The following CNTN5 variants were observed in gnomAD, a reference collection of about 807,000 sequenced individuals.
CNTN5 encodes contactin-5.
Under a neutral mutation model 129.1 loss-of-function variants are expected in CNTN5, and 77 were observed. The observed-to-expected ratio is 0.60, with a 90% CI of 0.50 to 0.72. CNTN5 has a LOEUF of 0.72. Among genes scored for constraint, CNTN5 ranks in the 30% least tolerant of loss-of-function variants. The probability of loss-of-function intolerance (pLI) is 0.00; values close to 1 mark genes in which losing one functional copy is unlikely to be tolerated. For missense variants in CNTN5, 1,478 were observed against 1,328.8 expected (o/e 1.11, Z -1.75); for synonymous variants, 509 against 465.6 (o/e 1.09, Z -1.20).
intron 13 of CNTN5, among the ~76,000 whole-genome samples, chr11:100,076,735 A>G (rs1344359996): frequency 6.6e-6 from 1 of 152,012 alleles, no homozygotes; most frequent in Non-Finnish European, 1.5e-5. Context: ...CATTCTGCCT[A>G]CCTTGATCTA....
intron 3 of CNTN5, among the ~76,000 whole-genome samples, chr11:99,654,204 A>G (rs927157303): frequency 3.3e-5 from 5 of 152,066 alleles, no homozygotes; most frequent in African/African-American, 1.2e-4. Flanking sequence ...AAGTTTTTCA[A>G]ATTAAAATAG....
At chr11:99,308,764 T>C (rs1362803029) in intron 1 of CNTN5, among the ~76,000 whole-genome samples, 3 of 152,194 alleles carry the variant, frequency 2.0e-5, no homozygotes, top group Non-Finnish European at 4.4e-5. Context: ...CTGTAATTTC[T>C]GTTACACTTA....
chr11:99,845,401 C>G (rs1213276756), intron 6 of CNTN5, 139 bp downstream of exon 6: 1 of 382,976 alleles, frequency 2.6e-6, no homozygotes, highest in Non-Finnish European at 3.9e-6. Flanking sequence ...GAGGCGGAGT[C>G]TCGCTCTGTC....
At chr11:99,891,405 C>G (rs1394650695) in intron 6 of CNTN5, among the ~76,000 whole-genome samples, 2 of 151,994 alleles carry the variant, frequency 1.3e-5, no homozygotes, top group African/African-American at 2.4e-5. Context: ...TAGGTATACA[C>G]GTGCCATGGT....
chr11:99,937,219 A>C (rs1950335244), intron 7 of CNTN5, among the ~76,000 whole-genome samples: 1 of 152,220 alleles, frequency 6.6e-6, no homozygotes, highest in African/African-American at 2.4e-5. Context: ...CTGTAATTAG[A>C]ATATGCCCAT....
At chr11:99,594,415 TAG>T (rs1328854185) in intron 3 of CNTN5, among the ~76,000 whole-genome samples, 2 of 152,124 alleles carry the variant, frequency 1.3e-5, no homozygotes, top group African/African-American at 4.8e-5. Flanking sequence ...ACTCAGAAGG[TAG>T]TCTTGGTCTG....
chr11:99,784,790 A>G (rs1379173994), intron 3 of CNTN5, among the ~76,000 whole-genome samples: 1 of 115,284 alleles, frequency 8.7e-6, no homozygotes, highest in South Asian at 2.9e-4. Context: ...ATGGTATCTC[A>G]TTGTGTTTTT....
chr11:99,831,600 G>T (rs373520012), intron 4 of CNTN5, among the ~76,000 whole-genome samples: 1 of 151,780 alleles, frequency 6.6e-6, no homozygotes, highest in Non-Finnish European at 1.5e-5. Flanking sequence ...GCAGCAGACT[G>T]CCAGTGACCA....
chr11:99,638,830 G>A lies in CNTN5; in HGVS notation c.55+82561G>A, dbSNP rs117252887. ...CCTCCCAGCTGCTTTCACGGGCTGCGTTTGAGTGTCTGTGGCTTTTCCAGG... is the reference window on the plus strand; with the variant it reads ...CCTCCCAGCTGCTTTCACGGGCTGCATTTGAGTGTCTGTGGCTTTTCCAGG... On this transcript the variant is annotated intron_variant, in intron 3 of 24. Transcript: ENST00000524871. 1.7e-3 allele frequency among the ~76,000 whole-genome samples: 261 copies of A among 152,238 alleles called. 2 individuals are homozygous for A. The East Asian group carries it at 0.033, about 19-fold the overall frequency.
chr11:99,873,683 A>G (rs1367824617), intron 6 of CNTN5, among the ~76,000 whole-genome samples: 1 of 152,148 alleles, frequency 6.6e-6, no homozygotes, highest in Non-Finnish European at 1.5e-5. Context: ...TAGAACTACC[A>G]TTCAATCTAG....
chr11:99,342,706 G>A (rs1485525814), intron 2 of CNTN5, among the ~76,000 whole-genome samples: 1 of 150,992 alleles, frequency 6.6e-6, no homozygotes, highest in Admixed American at 6.6e-5. Context: ...ACTCCAGCTT[G>A]GGCAACAGAG....
intron 2 of CNTN5, among the ~76,000 whole-genome samples, chr11:99,493,994 A>T (rs1222988936): frequency 1.3e-5 from 2 of 152,202 alleles, no homozygotes; most frequent in African/African-American, 4.8e-5. Context: ...TACCGATTTT[A>T]TTAATCTTCT....
At position 99,947,063 on chromosome 11, in the gene CNTN5, A is replaced by G. The variant is rs192906445; in HGVS notation, c.674-9743A>G. On this transcript the variant is annotated intron_variant, in intron 7 of 24. Coordinates refer to ENST00000524871, the MANE Select transcript of CNTN5 (RefSeq NM_014361.4). ...CATTATAAATGTGATTATGATATAA[A>G]CAAAATTAGAAAAAATATAAACATG... is the stretch of plus-strand genomic sequence containing the variant. Among the ~76,000 whole-genome samples, 109 of 120,154 alleles carry G rather than the reference A, an allele frequency of 9.1e-4. 1 individual carries two copies. The highest frequency in any genetic ancestry group is 3.1e-3 in the African/African-American group (97 of 31,780). The allele number at this position is 120,154 out of a possible 152,430, so 78.8% of individuals were successfully genotyped here.
chr11:100,290,295 C>T (rs1406320081), intron 18 of CNTN5, among the ~76,000 whole-genome samples: 1 of 152,166 alleles, frequency 6.6e-6, no homozygotes, highest in African/African-American at 2.4e-5. Context: ...GCCTGCATTG[C>T]TAAGTCAATC....
rs142548085 is a variant in CNTN5 at position 99,653,760 on chromosome 11, A to G, written c.55+97491A>G. On this transcript the variant is annotated intron_variant, in intron 3 of 24. Coordinates refer to ENST00000524871, the MANE Select transcript of CNTN5 (RefSeq NM_014361.4). Reference sequence around the variant, plus strand: ...TAATTAAATGAGCTCCTAGGAGAGCATGGATTTCTCATCAGATCTTTGCTA... The same window carrying G: ...TAATTAAATGAGCTCCTAGGAGAGCGTGGATTTCTCATCAGATCTTTGCTA... Among the ~76,000 whole-genome samples the G allele has an allele frequency of 2.2e-3, 336 of 152,232 alleles. 1 individual carries two copies. Among genetic ancestry groups the G allele is most frequent in the African/African-American group, 7.4e-3 (306 of 41,562 alleles).
chr11:100,203,884 C>T (rs1454557697), intron 15 of CNTN5, among the ~76,000 whole-genome samples: 1 of 151,062 alleles, frequency 6.6e-6, no homozygotes, highest in Non-Finnish European at 1.5e-5. Context: ...CATCTTCCAA[C>T]ATTTTTCTCT....
intron 3 of CNTN5, among the ~76,000 whole-genome samples, chr11:99,591,702 A>T (rs1949986571): frequency 6.6e-6 from 1 of 152,100 alleles, no homozygotes; most frequent in African/African-American, 2.4e-5. Context: ...ACTGTCATGG[A>T]TATTGTAAGA....
In CNTN5 at chr11:100,356,716, T is replaced by C; in HGVS notation, c.*496T>C. On this transcript the variant is annotated 3_prime_UTR_variant, in exon 25 of 25. Transcript: ENST00000524871. The stretch of plus-strand genomic sequence containing the variant: ...AACCAGCAGGACATATGAAAAATGC[T>C]TCAGTGATGTGGTCCATTATAAGAT... The C allele has an allele frequency of 6.3e-6, 1 of 157,620 alleles. No homozygotes were observed. Among genetic ancestry groups the C allele is most frequent in the Non-Finnish European group, 1.4e-5 (1 of 71,258 alleles). 9.8% of individuals were successfully genotyped at this position (157,620 alleles called of 1,614,324 possible).
chr11:99,523,704 CAGAAT>C (rs55824176), intron 2 of CNTN5, among the ~76,000 whole-genome samples: 75,629 of 118,802 alleles, frequency 0.64, 24,424 homozygotes, highest in African/African-American at 0.72. Context: ...CAGAATAGAA[CAGAAT>C]AGAATAGAAT....
Sources: gnomAD v4.1 joint callset for allele counts (sites outside exome capture counted in the v4.1 genomes callset) on GRCh38, gnomAD v4.1.1 for gene constraint, MANE v1.5 for transcripts, NCBI Gene and HGNC (gene_info 2026-07-23, HGNC 2026-07-21) for gene names.